The following ZFPM2 variants were observed in gnomAD, a reference collection of about 807,000 sequenced individuals.
ZFPM2 encodes the protein zinc finger protein ZFPM2.
Under a neutral mutation model 98.6 loss-of-function variants are expected in ZFPM2, and 20 were observed. That is an observed-to-expected ratio of 0.20 (90% CI 0.14 to 0.29). The LOEUF (loss-of-function observed/expected upper bound fraction) is 0.29, where lower values mean the gene tolerates loss of function less well. Ranked by LOEUF, ZFPM2 falls within the 10% of genes least tolerant of loss-of-function variation. The pLI, the probability that ZFPM2 is intolerant of heterozygous loss-of-function variation, is 1.00. For synonymous variants in ZFPM2, 518 were observed against 502.7 expected, an observed-to-expected ratio of 1.03 and a Z score of -0.41; for missense variants, 1,310 against 1,388.6, an observed-to-expected ratio of 0.94 and a Z score of 0.90.
chr8:105,719,613 A>G (rs367938989), intron 5 of ZFPM2, among the ~76,000 whole-genome samples: 1 of 152,046 alleles, frequency 6.6e-6, no homozygotes, highest in East Asian at 1.9e-4. Flanking sequence ...CTTAATCATA[A>G]CATTTAGGGG....
At chr8:105,773,135 T>G (rs937790016) in intron 5 of ZFPM2, among the ~76,000 whole-genome samples, 5 of 152,180 alleles carry the variant, frequency 3.3e-5, no homozygotes, top group Non-Finnish European at 5.9e-5. Context: ...CTGAGCGCCA[T>G]CTGCTGGTTG....
chr8:105,418,633 CAT>C (rs1365915906), intron 1 of ZFPM2: 1 of 517,952 alleles, frequency 1.9e-6, no homozygotes, highest in East Asian at 5.5e-5. Flanking sequence ...GCCTCAAACA[CAT>C]ATAATGAAAT....
chr8:105,334,593 A>G lies in ZFPM2; in HGVS notation c.40+15612A>G, dbSNP rs150093868. 3.3e-3 allele frequency among the ~76,000 whole-genome samples: 500 copies of G among 151,736 alleles called. 1 individual carries two copies. The highest frequency in any genetic ancestry group is 0.011 in the African/African-American group (470 of 41,452). The stretch of plus-strand genomic sequence containing the variant: ...GTGTATGATAGTTTGGTTTTAGATA[A>G]AAGTTCTATTCTTTAAAATTCAATG... On this transcript the variant is annotated intron_variant, in intron 1 of 7. Coordinates refer to ENST00000407775, the MANE Select transcript of ZFPM2 (RefSeq NM_012082.4).
At chr8:105,645,602 A>C (rs1187520152) in intron 5 of ZFPM2, among the ~76,000 whole-genome samples, 1 of 152,222 alleles carries the variant, frequency 6.6e-6, no homozygotes, top group Non-Finnish European at 1.5e-5. Context: ...ATTTCTAATA[A>C]AGTGTTGCAG....
intron 4 of ZFPM2, among the ~76,000 whole-genome samples, chr8:105,605,988 G>A (rs148610777): frequency 6.6e-6 from 1 of 151,990 alleles, no homozygotes; most frequent in South Asian, 2.1e-4. Context: ...CTTAATACCT[G>A]GTATGGAAGT....
At chr8:105,508,242 C>G (rs181752918) in intron 3 of ZFPM2, among the ~76,000 whole-genome samples, 2 of 152,114 alleles carry the variant, frequency 1.3e-5, no homozygotes, top group African/African-American at 4.8e-5. Context: ...GAGTACCAGT[C>G]CAACCAGTAA....
At chr8:105,475,720 A>G (rs1038546001) in intron 3 of ZFPM2, among the ~76,000 whole-genome samples, 2 of 152,224 alleles carry the variant, frequency 1.3e-5, no homozygotes, top group African/African-American at 4.8e-5. Context: ...AGTGAAAACA[A>G]AATTCGTCAG....
At chr8:105,779,863 T>A (rs1043922543) in intron 5 of ZFPM2, among the ~76,000 whole-genome samples, 6 of 152,300 alleles carry the variant, frequency 3.9e-5, no homozygotes, top group South Asian at 4.1e-4. Context: ...CTGCTTCTAG[T>A]AACAGGCGCA....
Position 105,348,685 on chromosome 8 carries a change from CA to C in ZFPM2, c.40+29705del, listed in dbSNP as rs1431518583. Among the ~76,000 whole-genome samples the C allele has an allele frequency of 2.6e-5, 4 of 152,116 alleles. No homozygotes were observed. In the East Asian group the frequency reaches 7.7e-4, roughly 29 times the overall value. On this transcript the variant is annotated intron_variant, in intron 1 of 7. Transcript: ENST00000407775. The stretch of plus-strand genomic sequence containing the variant: ...CTGTCCACTTCTTTCAAGGGAGGGA[CA>C]GGGGGCAGGTATAGCAGTAAACCAA...
chr8:105,430,352 C>G (rs919676103), intron 2 of ZFPM2, among the ~76,000 whole-genome samples: 11 of 152,082 alleles, frequency 7.2e-5, no homozygotes, highest in Non-Finnish European at 1.6e-4. Context: ...CAACCAAGAT[C>G]AAGAATGTTA....
chr8:105,757,982 A>G (rs1283988563), intron 5 of ZFPM2, among the ~76,000 whole-genome samples: 1 of 152,166 alleles, frequency 6.6e-6, no homozygotes, highest in Non-Finnish European at 1.5e-5. Context: ...GCCTACAATC[A>G]GGAATCACCT....
intron 3 of ZFPM2, among the ~76,000 whole-genome samples, chr8:105,453,055 A>G (rs1812519313): frequency 6.6e-6 from 1 of 152,334 alleles, no homozygotes; most frequent in African/African-American, 2.4e-5. Flanking sequence ...AAATAGATGC[A>G]TAGAGATATA....
intron 1 of ZFPM2, among the ~76,000 whole-genome samples, chr8:105,359,500 G>A (rs1345825366): frequency 1.3e-5 from 2 of 150,542 alleles, no homozygotes; most frequent in African/African-American, 2.4e-5. Flanking sequence ...CTCAGCCTCC[G>A]AGTAGCTGGG....
At chr8:105,402,696 C>G (rs1316014106) in intron 1 of ZFPM2, among the ~76,000 whole-genome samples, 1 of 151,982 alleles carries the variant, frequency 6.6e-6, no homozygotes, top group African/African-American at 2.4e-5. Context: ...CAAAATCAAA[C>G]TTTTATTTGT....
At chr8:105,619,944 G>A (rs1816500150) in intron 4 of ZFPM2, among the ~76,000 whole-genome samples, 1 of 152,104 alleles carries the variant, frequency 6.6e-6, no homozygotes, top group Non-Finnish European at 1.5e-5. Flanking sequence ...ATGGACATTT[G>A]GGTTGGCTCC....
intron 4 of ZFPM2, among the ~76,000 whole-genome samples, chr8:105,590,758 G>T (rs531278692): frequency 7.3e-6 from 1 of 137,310 alleles, no homozygotes; most frequent in Non-Finnish European, 1.7e-5. Flanking sequence ...GCATACGTGC[G>T]CACGCACACA....
At chr8:105,661,683 A>AT (rs573902564) in intron 5 of ZFPM2, among the ~76,000 whole-genome samples, 82 of 147,540 alleles carry the variant, frequency 5.6e-4, no homozygotes, top group Middle Eastern at 3.6e-3. Flanking sequence ...GGGCTCTGTG[A>AT]TTTTTTTTTT....
At chr8:105,366,320 A>G (rs1200841079) in intron 1 of ZFPM2, among the ~76,000 whole-genome samples, 5 of 152,162 alleles carry the variant, frequency 3.3e-5, no homozygotes, top group Admixed American at 3.3e-4. Context: ...GAAATCCAAG[A>G]GTAAAGATTG....
At chr8:105,498,487 G>C (rs1435081782) in intron 3 of ZFPM2, among the ~76,000 whole-genome samples, 1 of 152,186 alleles carries the variant, frequency 6.6e-6, no homozygotes, top group Admixed American at 6.5e-5. Context: ...AACATCATCT[G>C]TCCAGTACAC....
Sources: gnomAD v4.1 joint callset for allele counts (sites outside exome capture counted in the v4.1 genomes callset) on GRCh38, gnomAD v4.1.1 for gene constraint, MANE v1.5 for transcripts, NCBI Gene and HGNC (gene_info 2026-07-23, HGNC 2026-07-21) for gene names.